Variants in ERBB4 observed in about 807,000 individuals in gnomAD.
The protein encoded by ERBB4 is receptor tyrosine-protein kinase erbB-4.
In ERBB4, 42 loss-of-function variants were observed where a neutral mutation model predicts 158.0. That is an observed-to-expected ratio of 0.27 (90% CI 0.21 to 0.34). ERBB4 has a LOEUF of 0.34. Ranked by LOEUF, ERBB4 falls within the 10% of genes least tolerant of loss-of-function variation. The pLI is 1.00. For missense variants in ERBB4, 1,333 were observed against 1,624.1 expected (o/e 0.82, Z 3.08); for synonymous variants, 583 against 558.7 (o/e 1.04, Z -0.61).
intron 2 of ERBB4, among the ~76,000 whole-genome samples, chr2:212,022,378 T>G (rs556052198): frequency 6.6e-6 from 1 of 152,258 alleles, no homozygotes; most frequent in African/African-American, 2.4e-5. Context: ...TCGTGTCATT[T>G]GCAGGGACGT....
chr2:212,398,699 A>C (rs1169076413), intron 1 of ERBB4, among the ~76,000 whole-genome samples: 1 of 152,174 alleles, frequency 6.6e-6, no homozygotes, highest in Non-Finnish European at 1.5e-5. Flanking sequence ...CATTTAAAAG[A>C]AGGATAATTT....
chr2:211,931,560 C>G (rs1239455489), intron 3 of ERBB4, among the ~76,000 whole-genome samples: 1 of 151,078 alleles, frequency 6.6e-6, no homozygotes, highest in African/African-American at 2.4e-5. Flanking sequence ...TCACATTTTG[C>G]CTTAGAACTT....
chr2:211,880,209 A>G (rs879621781), intron 3 of ERBB4, among the ~76,000 whole-genome samples: 9 of 152,044 alleles, frequency 5.9e-5, no homozygotes, highest in Non-Finnish European at 1.0e-4. Flanking sequence ...CCTATCAAAC[A>G]TTCTTTAACA....
Position 211,376,555 on chromosome 2 carries a change from G to C in ERBB4, c.*7060C>G, listed in dbSNP as rs2125291228. On this transcript the variant is annotated 3_prime_UTR_variant, in exon 28 of 28. Transcript: ENST00000342788. ...AATCCTTTGAAGATACTTCACAAGA[G>C]AGAGGGCTTGTTTTCTGCTTACAAG... The C allele has an allele frequency of 4.3e-6, 1 of 232,810 alleles. No homozygotes were observed. Among genetic ancestry groups the C allele is most frequent in the East Asian group, 6.1e-5 (1 of 16,480 alleles). The allele number at this position is 232,810 out of a possible 1,614,324, so 14.4% of individuals were successfully genotyped here. A position where few individuals can be genotyped will look rare whatever the true frequency, so the allele number is the denominator to read the frequency against.
chr2:211,455,662 T>C (rs538477459), intron 20 of ERBB4, among the ~76,000 whole-genome samples: 1 of 152,194 alleles, frequency 6.6e-6, no homozygotes, highest in Non-Finnish European at 1.5e-5. Flanking sequence ...TTCTATGTGA[T>C]TGCTTACTTT....
intron 3 of ERBB4, among the ~76,000 whole-genome samples, chr2:211,863,260 G>A (rs896399590): frequency 3.8e-4 from 58 of 152,242 alleles, no homozygotes; most frequent in Admixed American, 2.7e-3. Flanking sequence ...TCTGTAAAAC[G>A]AACCAATCAG....
intron 3 of ERBB4, among the ~76,000 whole-genome samples, chr2:211,918,250 GA>G (rs1337180191): frequency 6.6e-6 from 1 of 152,142 alleles, no homozygotes; most frequent in East Asian, 1.9e-4. Context: ...CTGGTTTACA[GA>G]ACTGAAAGTA....
At chr2:212,153,456 C>G (rs1465248535) in intron 1 of ERBB4, among the ~76,000 whole-genome samples, 1 of 152,148 alleles carries the variant, frequency 6.6e-6, no homozygotes, top group Non-Finnish European at 1.5e-5. Flanking sequence ...CTCTGAAACA[C>G]AGAACATACA....
chr2:212,536,294 C>G (rs750598348), intron 1 of ERBB4, among the ~76,000 whole-genome samples: 2 of 151,960 alleles, frequency 1.3e-5, no homozygotes, highest in Non-Finnish European at 2.9e-5. Context: ...ACTTTCCCTG[C>G]CAGGTGCGGC....
chr2:211,573,418 C>A (rs2067793948), intron 19 of ERBB4, among the ~76,000 whole-genome samples: 1 of 152,104 alleles, frequency 6.6e-6, no homozygotes, highest in Non-Finnish European at 1.5e-5. Context: ...CACCTGTAAT[C>A]CCAGCACTTT....
intron 2 of ERBB4, among the ~76,000 whole-genome samples, chr2:211,995,149 A>T (rs2082169976): frequency 1.3e-5 from 2 of 152,190 alleles, no homozygotes; most frequent in Admixed American, 1.3e-4. Flanking sequence ...CTAGGCACTT[A>T]ATGTCAGATC....
intron 2 of ERBB4, among the ~76,000 whole-genome samples, chr2:212,070,217 GA>G (rs1175953394): frequency 1.3e-5 from 2 of 151,888 alleles, no homozygotes; most frequent in Non-Finnish European, 2.9e-5. Context: ...CTAAGTAAAT[GA>G]AAAGATATCT....
chr2:211,676,523 C>T (rs910379839), intron 13 of ERBB4, among the ~76,000 whole-genome samples: 3 of 151,784 alleles, frequency 2.0e-5, no homozygotes, highest in African/African-American at 7.3e-5. Flanking sequence ...TTCTGAAAAG[C>T]TAAAAACTGT....
At chr2:212,246,715 C>G (rs568341216) in intron 1 of ERBB4, among the ~76,000 whole-genome samples, 2 of 151,838 alleles carry the variant, frequency 1.3e-5, no homozygotes, top group Non-Finnish European at 2.9e-5. Context: ...GAATTAGAAA[C>G]GTGATGCTGA....
At chr2:211,446,002 G>A (rs114760981) in intron 20 of ERBB4, among the ~76,000 whole-genome samples, 1,776 of 152,290 alleles carry the variant, frequency 0.012, 30 homozygotes, top group African/African-American at 0.04. Flanking sequence ...TAGCAACAAA[G>A]GAAATGTTGG....
rs71054190 is a variant in ERBB4 at position 212,286,594 on chromosome 2, C to CTTTTTTTTTTTTTTTTTTTT, written c.83-161711_83-161692dup. Among the ~76,000 whole-genome samples, 10 of 55,540 alleles carry CTTTTTTTTTTTTTTTTTTTT rather than the reference C, an allele frequency of 1.8e-4. 2 individuals are homozygous for CTTTTTTTTTTTTTTTTTTTT. Among genetic ancestry groups the CTTTTTTTTTTTTTTTTTTTT allele is most frequent in the African/African-American group, 5.2e-4 (9 of 17,246 alleles). 36.4% of individuals were successfully genotyped at this position (55,540 alleles called of 152,430 possible). A position where few individuals can be genotyped will look rare whatever the true frequency, so the allele number is the denominator to read the frequency against. On this transcript the variant is annotated intron_variant, in intron 1 of 27. Transcript: ENST00000342788. ...AATGAGATGATTACATAAGTGCTGA[C>CTTTTTTTTTTTTTTTTTTTT]TTTTTTTTTTTTTTTTTTTTTTTTT...
At chr2:211,449,036 T>C (rs2064178811) in intron 20 of ERBB4, among the ~76,000 whole-genome samples, 2 of 152,102 alleles carry the variant, frequency 1.3e-5, no homozygotes, top group Admixed American at 1.3e-4. Flanking sequence ...TAATCATCTT[T>C]ACAAATTAAA....
At chr2:211,931,971 A>G (rs1160493190) in intron 3 of ERBB4, among the ~76,000 whole-genome samples, 1 of 152,086 alleles carries the variant, frequency 6.6e-6, no homozygotes, top group Non-Finnish European at 1.5e-5. Context: ...TTTTCAGATG[A>G]AAACTGAGGC....
chr2:212,306,060 C>G (rs1471868101), intron 1 of ERBB4, among the ~76,000 whole-genome samples: 1 of 151,412 alleles, frequency 6.6e-6, no homozygotes, highest in African/African-American at 2.4e-5. Context: ...TATATTCGAA[C>G]ATGCACATAT....
Sources: allele counts gnomAD v4.1 joint callset (sites outside exome capture counted in the v4.1 genomes callset), GRCh38; gene constraint gnomAD v4.1.1; transcripts MANE v1.5; gene names NCBI Gene and HGNC (gene_info 2026-07-23, HGNC 2026-07-21).